The following MAP2 variants were observed in gnomAD, a reference collection of about 807,000 sequenced individuals.
MAP2 encodes the protein microtubule associated protein 2, also known as microtubule-associated protein 2.
A neutral mutation model predicts 137.6 loss-of-function variants in MAP2; 14 were observed. The observed-to-expected ratio is 0.10, with a 90% CI of 0.07 to 0.16. The LOEUF is 0.16. Ranked by LOEUF, MAP2 falls within the 10% of genes least tolerant of loss-of-function variation. The pLI, the probability that MAP2 is intolerant of heterozygous loss-of-function variation, is 1.00. For synonymous variants in MAP2, 786 were observed against 782.3 expected (o/e 1.00, Z -0.08); for missense variants, 2,088 against 2,191.5 (o/e 0.95, Z 0.94).
At chr2:209,448,265 A>G (rs572052174) in intron 1 of MAP2, among the ~76,000 whole-genome samples, 1 of 152,218 alleles carries the variant, frequency 6.6e-6, no homozygotes, top group African/African-American at 2.4e-5. Context: ...TAATCACTTG[A>G]GGTTGGGAGG....
At position 209,697,606 on chromosome 2, in the gene MAP2, A is replaced by C. The variant is rs115222469; in HGVS notation, c.4522+555A>C. Among the ~76,000 whole-genome samples, 1,215 of 152,278 alleles carry C rather than the reference A, an allele frequency of 8.0e-3. 18 individuals are homozygous for C. Among genetic ancestry groups the C allele is most frequent in the African/African-American group, 0.027 (1,133 of 41,552 alleles). ...CTTTTGCTGAAAAAAAGAAGATAGA[A>C]AACAAAATTTTCTGGTAATTATATC... On this transcript the variant is annotated intron_variant, in intron 10 of 15. Transcript: ENST00000682079.
intron 1 of MAP2, among the ~76,000 whole-genome samples, chr2:209,485,595 G>T (rs1390311528): frequency 6.6e-6 from 1 of 152,172 alleles, no homozygotes; most frequent in Non-Finnish European, 1.5e-5. Context: ...TCACGCTGAT[G>T]AATCAGAGCC....
chr2:209,703,792 A>G (rs566667706), intron 11 of MAP2, among the ~76,000 whole-genome samples: 9 of 152,190 alleles, frequency 5.9e-5, no homozygotes, highest in African/African-American at 1.7e-4. Context: ...CCCACTCATC[A>G]TTTATTCAGC....
chr2:209,614,894 G>T (rs899418655), intron 3 of MAP2, among the ~76,000 whole-genome samples: 1 of 152,074 alleles, frequency 6.6e-6, no homozygotes, highest in Admixed American at 6.6e-5. Context: ...AAACTCTTCC[G>T]CAAGACTCCA....
chr2:209,514,866 A>G (rs1340775388), intron 2 of MAP2, among the ~76,000 whole-genome samples: 2 of 152,146 alleles, frequency 1.3e-5, no homozygotes, highest in East Asian at 3.9e-4. Context: ...CACATGTGAT[A>G]GATAGATAAA....
chr2:209,593,633 AAATATATATATATATATATATATAT>A (rs2079996738), intron 3 of MAP2, among the ~76,000 whole-genome samples: 2 of 61,956 alleles, frequency 3.2e-5, no homozygotes, highest in South Asian at 5.1e-4. Flanking sequence ...AAAAAAAAAA[AAATATATATATATATATATATATAT>A]ATATATATAT....
chr2:209,700,245 G>A (rs369134287), intron 10 of MAP2, 32 bp from the exon 11 acceptor site: 1 of 1,598,370 alleles, frequency 6.3e-7, no homozygotes, highest in East Asian at 2.2e-5. Context: ...TAGCAACTAA[G>A]TTTGGGGTTG....
At chr2:209,665,735 C>G (rs1288922042) in intron 5 of MAP2, among the ~76,000 whole-genome samples, 1 of 152,082 alleles carries the variant, frequency 6.6e-6, no homozygotes, top group Non-Finnish European at 1.5e-5. Context: ...ATTATCATAT[C>G]AAATTAGGAA....
chr2:209,678,530 AC>A lies in MAP2; in HGVS notation c.263-41del, dbSNP rs748821560. 4.5e-5 allele frequency: 46 copies of A among 1,027,012 alleles called. No homozygotes were observed. The East Asian group carries it at 1.2e-3, about 27-fold the overall frequency. The allele number at this position is 1,027,012 out of a possible 1,614,324, so 63.6% of individuals were successfully genotyped here. ...TTACTTTTCCTCTTTGCTTTCTCAG[AC>A]TTCTCATCGTTATATTTTATTTTGT... On this transcript the variant is annotated intron_variant, in intron 5 of 15. Coordinates refer to ENST00000682079, the MANE Select transcript of MAP2 (RefSeq NM_001375505.1).
chr2:209,550,414 T>C (rs1012467019), intron 2 of MAP2, among the ~76,000 whole-genome samples: 11 of 152,168 alleles, frequency 7.2e-5, no homozygotes, highest in African/African-American at 2.7e-4. Flanking sequence ...ATTTAAAATA[T>C]ATTATTAGGT....
intron 4 of MAP2, among the ~76,000 whole-genome samples, chr2:209,634,746 C>G (rs1038903142): frequency 2.0e-5 from 3 of 152,104 alleles, no homozygotes; most frequent in Admixed American, 6.6e-5. Context: ...TCAAGTAGCT[C>G]AAGCTGTGGC....
chr2:209,481,129 A>C lies in MAP2; in HGVS notation c.-221-26463A>C, dbSNP rs551354757. Reference sequence around the variant, plus strand: ...TACAAACTGAATTTCCGTGAGACTGACTCTGACACAGAGTGTAGCTTACTG... The same window carrying C: ...TACAAACTGAATTTCCGTGAGACTGCCTCTGACACAGAGTGTAGCTTACTG... On this transcript the variant is annotated intron_variant, in intron 1 of 15. Coordinates refer to ENST00000682079, the MANE Select transcript of MAP2 (RefSeq NM_001375505.1). Among the ~76,000 whole-genome samples the C allele has an allele frequency of 2.0e-5, 3 of 152,232 alleles. No homozygotes were observed. The South Asian group carries it at 6.2e-4, about 32-fold the overall frequency.
At position 209,692,690 on chromosome 2, in the gene MAP2, C is replaced by T. The variant is rs553702819; in HGVS notation, c.520C>T (p.Pro174Ser). ...QQELTPSTAE[P>S]SDQKEKESEK... ...GGAATTGACTCCCTCTACAGCTGAGCCTTCAGACCAGAAGGAAAAGGAGTC... is the reference window on the plus strand; with the variant it reads ...GGAATTGACTCCCTCTACAGCTGAGTCTTCAGACCAGAAGGAAAAGGAGTC... Residue 174 changes from proline to serine, a missense_variant, in exon 8 of 16, where the codon CCT becomes TCT. This residue lies in a region of MAP2 where 859 missense variants were observed against 794.5 expected (regional missense o/e 1.08). Coordinates refer to ENST00000682079, the MANE Select transcript of MAP2 (RefSeq NM_001375505.1). The T allele has an allele frequency of 1.2e-6, 2 of 1,612,828 alleles. No individual in the cohort carries two copies. The highest frequency in any genetic ancestry group is 1.1e-5 in the South Asian group (1 of 90,864).
At chr2:209,497,169 C>G (rs2219085) in intron 1 of MAP2, among the ~76,000 whole-genome samples, 1 of 152,014 alleles carries the variant, frequency 6.6e-6, no homozygotes, top group Non-Finnish European at 1.5e-5. Context: ...TCTAAGTGCC[C>G]GTGTGACTGT....
rs567705396 is a variant in MAP2, at chr2:209,480,675, A to G, written c.-221-26917A>G. Among the ~76,000 whole-genome samples, 51 of 152,272 alleles carry G rather than the reference A, an allele frequency of 3.3e-4. 1 individual carries two copies. Among genetic ancestry groups the G allele is most frequent in the African/African-American group, 1.2e-3 (48 of 41,560 alleles). ...TTTGAGGTTAATAATAAGATTTGAT[A>G]TCAGTATTTATCTATAATAATCAGG... is the stretch of plus-strand genomic sequence containing the variant. On this transcript the variant is annotated intron_variant, in intron 1 of 15. Transcript: ENST00000682079.
At position 209,694,826 on chromosome 2, in the gene MAP2, A is replaced by G. The variant is rs748687291; in HGVS notation, c.2656A>G (p.Ser886Gly). Residue 886 changes from serine (S) to glycine (G), a missense_variant, in exon 8 of 16, where the codon AGT becomes GGT. This residue lies in a region of MAP2 where 500 missense variants were observed against 482.9 expected (regional missense o/e 1.04). Transcript: ENST00000682079. ...TVPLPSPVQD[S>G]ENLSGESGTF... ...CCCATTGCCATCACCTGTTCAAGACAGTGAGAATTTATCAGGGGAGAGTGG... is the reference window on the plus strand; with the variant it reads ...CCCATTGCCATCACCTGTTCAAGACGGTGAGAATTTATCAGGGGAGAGTGG... The G allele has an allele frequency of 6.2e-7, 1 of 1,614,180 alleles. No homozygotes were observed. Among genetic ancestry groups the G allele is most frequent in the Non-Finnish European group, 8.5e-7 (1 of 1,180,014 alleles).
intron 4 of MAP2, among the ~76,000 whole-genome samples, chr2:209,638,571 T>C (rs1053318585): frequency 6.6e-6 from 1 of 152,110 alleles, no homozygotes; most frequent in African/African-American, 2.4e-5. Flanking sequence ...GAAAAACTAG[T>C]ATTTAACATA....
At chr2:209,691,707 C>A (rs1214799739) in intron 7 of MAP2, among the ~76,000 whole-genome samples, 1 of 152,152 alleles carries the variant, frequency 6.6e-6, no homozygotes, top group Admixed American at 6.6e-5. Flanking sequence ...CTGTGAAGCA[C>A]CTCTAAAGCC....
At chr2:209,597,468 G>A (rs915371872) in intron 3 of MAP2, among the ~76,000 whole-genome samples, 2 of 152,028 alleles carry the variant, frequency 1.3e-5, no homozygotes, top group African/African-American at 4.8e-5. Flanking sequence ...TGTTAGCTCC[G>A]TCTCTCATCA....
Sources: allele counts gnomAD v4.1 joint callset (sites outside exome capture counted in the v4.1 genomes callset), GRCh38; gene constraint gnomAD v4.1.1; regional missense constraint gnomAD v4.1.1; transcripts MANE v1.5; gene names NCBI Gene and HGNC (gene_info 2026-07-23, HGNC 2026-07-21).